MYT1L: variants seen among roughly 807,000 people sequenced by gnomAD.
The protein encoded by MYT1L is myelin transcription factor 1 like.
Under a neutral mutation model 126.7 loss-of-function variants are expected in MYT1L, and 12 were observed. The ratio of observed to expected loss-of-function variants is 0.09; its 90% CI spans 0.06 to 0.15. The LOEUF (loss-of-function observed/expected upper bound fraction) is 0.15. Among genes scored for constraint, MYT1L ranks in the 10% least tolerant of loss-of-function variants. The pLI is 1.00. For synonymous variants in MYT1L, 541 were observed against 604.2 expected, an observed-to-expected ratio of 0.90 and a Z score of 1.53; for missense variants, 979 against 1,585.2, an observed-to-expected ratio of 0.62 and a Z score of 6.49.
chr2:2,254,936 A>G (rs1186467185), intron 2 of MYT1L, among the ~76,000 whole-genome samples: 1 of 152,130 alleles, frequency 6.6e-6, no homozygotes, highest in Non-Finnish European at 1.5e-5. Flanking sequence ...GACTTCTATA[A>G]TATACATGTG....
At chr2:1,972,859 AATTTTT>A (rs2059912021) in intron 8 of MYT1L, among the ~76,000 whole-genome samples, 1 of 152,218 alleles carries the variant, frequency 6.6e-6, no homozygotes, top group Non-Finnish European at 1.5e-5. Flanking sequence ...TGGAGATTTT[AATTTTT>A]AAGTTTCAAA....
chr2:1,809,565 T>C (rs966037677), intron 21 of MYT1L, among the ~76,000 whole-genome samples: 6 of 152,118 alleles, frequency 3.9e-5, no homozygotes, highest in East Asian at 1.9e-4. Flanking sequence ...AAAGGTTGGG[T>C]TTAAAAGTTA....
rs748231458 is a variant in MYT1L, at chr2:2,330,959, T to C, written c.-521+8A>G. 4 of 151,938 alleles carry C rather than the reference T, an allele frequency of 2.6e-5. No individual in the cohort carries two copies. Among genetic ancestry groups the C allele is most frequent in the Non-Finnish European group, 4.4e-5 (3 of 68,002 alleles). The allele number at this position is 151,938 out of a possible 1,614,324, so 9.4% of individuals were successfully genotyped here. ...CCCCGAAAAATTAACCTAACGAACA[T>C]CACGTACCTCACAATGACCACAACC... On this transcript the variant is annotated splice_region_variant and intron_variant, in intron 1 of 24. Transcript: ENST00000647738.
chr2:1,867,031 G>A (rs867886035), intron 18 of MYT1L, among the ~76,000 whole-genome samples: 1 of 140,186 alleles, frequency 7.1e-6, no homozygotes, highest in African/African-American at 2.6e-5. Flanking sequence ...GGGAGAGAGG[G>A]AGAGGGGCAG....
At chr2:1,937,524 G>T (rs1368850324) in intron 9 of MYT1L, among the ~76,000 whole-genome samples, 1 of 151,752 alleles carries the variant, frequency 6.6e-6, no homozygotes, top group Non-Finnish European at 1.5e-5. Context: ...CATCGAGAAG[G>T]CCCTAATGTC....
intron 8 of MYT1L, among the ~76,000 whole-genome samples, chr2:1,969,005 C>G (rs1158713030): frequency 2.0e-5 from 3 of 152,204 alleles, no homozygotes; most frequent in Non-Finnish European, 4.4e-5. Flanking sequence ...TAGTCCTCAC[C>G]CCACTCCAAA....
chr2:1,912,805 T>C lies in MYT1L; in HGVS notation c.1619-695A>G, dbSNP rs1835885. ...TTTGTGGTGCAAGGATGCTACTGGC[T>C]GGTCGGCAGGGGAGAGCTGCTTGAA... On this transcript the variant is annotated intron_variant, in intron 11 of 24. Coordinates refer to ENST00000647738, the MANE Select transcript of MYT1L (RefSeq NM_001303052.2). The surrounding 1 kb of genome is among the most constrained non-coding windows in gnomAD (Gnocchi z 4.3). Among the ~76,000 whole-genome samples the C allele has an allele frequency of 0.057, 8,736 of 152,288 alleles. 277 individuals carry two copies. The highest frequency in any genetic ancestry group is 0.069 in the Non-Finnish European group (4,719 of 68,030).
intron 4 of MYT1L, among the ~76,000 whole-genome samples, chr2:2,012,691 G>A (rs574151983): frequency 5.9e-5 from 9 of 152,032 alleles, no homozygotes; most frequent in African/African-American, 1.5e-4. Flanking sequence ...GAAATCTCCC[G>A]CCCTCCAGTT....
intron 3 of MYT1L, among the ~76,000 whole-genome samples, chr2:2,062,281 C>A (rs750799983): frequency 6.6e-6 from 1 of 152,250 alleles, no homozygotes; most frequent in Non-Finnish European, 1.5e-5. Flanking sequence ...CATGTACACA[C>A]GCTGTCCTAT....
intron 8 of MYT1L, among the ~76,000 whole-genome samples, chr2:1,976,166 G>A (rs1391393456): frequency 1.4e-5 from 2 of 146,670 alleles, no homozygotes; most frequent in Admixed American, 6.8e-5. Context: ...GAACCAAAAC[G>A]GAGGCTTCTA....
intron 21 of MYT1L, among the ~76,000 whole-genome samples, chr2:1,820,702 A>G (rs1460696429): frequency 3.3e-5 from 5 of 152,046 alleles, no homozygotes; most frequent in Non-Finnish European, 7.4e-5. Flanking sequence ...ATGTACCACC[A>G]TGCCTGGTTA....
intron 4 of MYT1L, among the ~76,000 whole-genome samples, chr2:2,040,686 A>C (rs1455154809): frequency 6.6e-6 from 1 of 152,196 alleles, no homozygotes; most frequent in Non-Finnish European, 1.5e-5. Flanking sequence ...ATTTTGGAAA[A>C]AGCATCAATA....
intron 4 of MYT1L, among the ~76,000 whole-genome samples, chr2:2,028,967 T>G (rs2149896527): frequency 6.6e-6 from 1 of 152,338 alleles, no homozygotes; most frequent in South Asian, 2.1e-4. Context: ...AGACAATCAC[T>G]TGGTCTCTCT....
chr2:2,180,522 GTGTACCTGTGTGTGCACCTGTATC>G (rs2091304182), intron 2 of MYT1L, among the ~76,000 whole-genome samples: 1 of 151,952 alleles, frequency 6.6e-6, no homozygotes, highest in Non-Finnish European at 1.5e-5. Flanking sequence ...GAACCTGTGT[GTGTACCTGTGTGTGCACCTGTATC>G]TGTACCTGTG....
intron 13 of MYT1L, among the ~76,000 whole-genome samples, chr2:1,906,022 G>C (rs1456642798): frequency 2.0e-5 from 3 of 152,064 alleles, no homozygotes; most frequent in African/African-American, 7.2e-5. Context: ...ACAGGTAACA[G>C]GTTTAAAACT....
chr2:2,052,244 A>C (rs1317064512), intron 4 of MYT1L, among the ~76,000 whole-genome samples: 1 of 152,240 alleles, frequency 6.6e-6, no homozygotes, highest in Non-Finnish European at 1.5e-5. Context: ...CAAAAGAATA[A>C]AGTTATAACA....
In MYT1L at chr2:2,312,635, T is replaced by C. The variant is rs74854151; in HGVS notation, c.-521+18332A>G. ...AGAATATAACACTTCTGAGGTTTAC[T>C]AAGTATTTTCATCACTAGTAGCTTT... On this transcript the variant is annotated intron_variant, in intron 1 of 24. Coordinates refer to ENST00000647738, the MANE Select transcript of MYT1L (RefSeq NM_001303052.2). Among the ~76,000 whole-genome samples, 282 of 152,262 alleles carry C rather than the reference T, an allele frequency of 1.9e-3. 2 individuals are homozygous for C. Among genetic ancestry groups the C allele is most frequent in the African/African-American group, 6.6e-3 (274 of 41,564 alleles).
At chr2:2,225,074 T>G (rs2093974155) in intron 2 of MYT1L, among the ~76,000 whole-genome samples, 1 of 152,060 alleles carries the variant, frequency 6.6e-6, no homozygotes, top group Non-Finnish European at 1.5e-5. Flanking sequence ...GACATCCACC[T>G]TTAGAGATGG....
chr2:1,814,363 C>A (rs1211301616), intron 21 of MYT1L, among the ~76,000 whole-genome samples: 2 of 152,220 alleles, frequency 1.3e-5, no homozygotes, highest in Non-Finnish European at 2.9e-5. Context: ...TCCTCGAATC[C>A]CCTGCGCCCT....
Sources: allele counts gnomAD v4.1 joint callset (sites outside exome capture counted in the v4.1 genomes callset), GRCh38; gene constraint gnomAD v4.1.1; non-coding constraint Gnocchi (gnomAD v3.1); transcripts MANE v1.5; gene names NCBI Gene and HGNC (gene_info 2026-07-23, HGNC 2026-07-21).